The following PMF1 variants were observed in gnomAD, a reference collection of about 807,000 sequenced individuals.
PMF1 encodes polyamine modulated factor 1, also known as polyamine-modulated factor 1.
In PMF1, 21 loss-of-function variants were observed where a neutral mutation model predicts 26.7. That is an observed-to-expected ratio of 0.79 (90% CI 0.56 to 1.13). PMF1 has a LOEUF of 1.13. Among genes scored for constraint, PMF1 ranks in the 50% most tolerant of loss-of-function variants. The pLI, the probability that PMF1 is intolerant of heterozygous loss-of-function variation, is 0.00. For missense variants in PMF1, 266 were observed against 254.9 expected, an observed-to-expected ratio of 1.04 and a Z score of -0.30; for synonymous variants, 105 against 101.0, an observed-to-expected ratio of 1.04 and a Z score of -0.24.
chr1:156,237,465 T>A (rs937527562), intron 4 of PMF1, among the ~76,000 whole-genome samples: 1 of 149,912 alleles, frequency 6.7e-6, no homozygotes, highest in Admixed American at 6.6e-5. Flanking sequence ...TTTTTTTTTT[T>A]AGACAGAGTC....
chr1:156,233,032 A>G (rs1481028860), intron 2 of PMF1, among the ~76,000 whole-genome samples: 5 of 147,454 alleles, frequency 3.4e-5, no homozygotes. Flanking sequence ...CAATCCTCCT[A>G]CCTCAGATTC....
intron 2 of PMF1, 45 bp downstream of exon 2, chr1:156,232,470 T>C: frequency 6.3e-7 from 1 of 1,590,446 alleles, no homozygotes; most frequent in Non-Finnish European, 8.6e-7. Flanking sequence ...TTGGGTTCTG[T>C]CTCCAGATTG....
chr1:156,233,866 T>G, intron 3 of PMF1, 138 bp downstream of exon 3: 2 of 699,364 alleles, frequency 2.9e-6, no homozygotes. Flanking sequence ...TCCTCCCACC[T>G]TGACCTCCCA....
chr1:156,216,739 C>CCA (rs1657748243), intron 1 of PMF1, among the ~76,000 whole-genome samples: 5 of 151,826 alleles, frequency 3.3e-5, no homozygotes, highest in Non-Finnish European at 7.4e-5. Flanking sequence ...CCACTGGCTC[C>CCA]GTGCCGTGCG....
intron 4 of PMF1, chr1:156,236,829 A>G (rs922277304): frequency 4.8e-5 from 15 of 315,698 alleles, no homozygotes; most frequent in Non-Finnish European, 8.9e-5. Context: ...GCTCCATGTG[A>G]CCACTGCCCA....
At chr1:156,236,266 T>C in intron 3 of PMF1, 22 bp from the exon 4 acceptor site, 1 of 1,595,986 alleles carries the variant, frequency 6.3e-7, no homozygotes, top group Non-Finnish European at 8.6e-7. Context: ...CTTCATTCCT[T>C]GTGCCCCGTG....
chr1:156,227,436 G>A (rs992137334), intron 1 of PMF1, among the ~76,000 whole-genome samples: 7 of 151,278 alleles, frequency 4.6e-5, no homozygotes, highest in East Asian at 1.9e-4. Flanking sequence ...CCCAGGAGGC[G>A]GAGGTTGCAG....
At chr1:156,213,861 A>G (rs1321630730) in intron 1 of PMF1, among the ~76,000 whole-genome samples, 1 of 152,166 alleles carries the variant, frequency 6.6e-6, no homozygotes, top group East Asian at 1.9e-4. Context: ...CCAGGACTAA[A>G]TGTGTTACCA....
rs534235875 is a variant in PMF1 at position 156,237,593 on chromosome 1, T to C, written c.564+1110T>C. 4.6e-5 allele frequency among the ~76,000 whole-genome samples: 7 copies of C among 151,580 alleles called. No homozygotes were observed. The East Asian group carries it at 1.2e-3, about 25-fold the overall frequency. ...TCCTGAGTAGCTGGGATTCCAGGCA[T>C]GAGCTGCCACACCCAGCTAAATTTT... On this transcript the variant is annotated intron_variant, in intron 4 of 4. Transcript: ENST00000368277.
intron 4 of PMF1, 98 bp from the exon 5 acceptor site, chr1:156,239,450 C>A: frequency 1.1e-6 from 1 of 930,774 alleles, no homozygotes; most frequent in Non-Finnish European, 1.7e-6. Context: ...TCCATATTGT[C>A]CTGGGGGAAA....
chr1:156,235,748 G>T (rs910808105), intron 3 of PMF1, among the ~76,000 whole-genome samples: 2 of 152,194 alleles, frequency 1.3e-5, no homozygotes, highest in African/African-American at 4.8e-5. Flanking sequence ...GCCTGAAAAA[G>T]AATTTTTAAA....
chr1:156,236,840 A>G (rs529121511), intron 4 of PMF1: 3 of 285,862 alleles, frequency 1.0e-5, no homozygotes, highest in Non-Finnish European at 2.0e-5. Context: ...CCACTGCCCA[A>G]CATAGATATA....
chr1:156,214,540 C>G (rs886321831), intron 1 of PMF1, among the ~76,000 whole-genome samples: 19 of 152,100 alleles, frequency 1.2e-4, no homozygotes, highest in Non-Finnish European at 2.2e-4. Context: ...GCATTCAATG[C>G]GTAGAGACGC....
intron 1 of PMF1, among the ~76,000 whole-genome samples, chr1:156,228,459 C>G (rs1252830469): frequency 1.3e-5 from 2 of 151,754 alleles, no homozygotes; most frequent in Non-Finnish European, 2.9e-5. Context: ...GCCACATTGT[C>G]CTGTTAGCAT....
intron 1 of PMF1, among the ~76,000 whole-genome samples, chr1:156,229,318 A>C (rs1658564831): frequency 6.6e-6 from 1 of 152,006 alleles, no homozygotes. Flanking sequence ...GTGTACTGGT[A>C]GTTGCTTACA....
At chr1:156,215,209 G>A (rs907601836) in intron 1 of PMF1, among the ~76,000 whole-genome samples, 6 of 152,046 alleles carry the variant, frequency 3.9e-5, no homozygotes, top group Admixed American at 3.3e-4. Flanking sequence ...CAGAACGAAT[G>A]TATAGGAAAA....
rs187146628 is a variant in PMF1 at position 156,235,504 on chromosome 1, C to G, written c.369-784C>G. ...TCTCTCAGGCTGGAGTGCAGTGGCG[C>G]GATCTTGGCTCACTGCAAGCTCCGC... is the stretch of plus-strand genomic sequence containing the variant. On this transcript the variant is annotated intron_variant, in intron 3 of 4. Coordinates refer to ENST00000368277, the MANE Select transcript of PMF1 (RefSeq NM_007221.4). Among the ~76,000 whole-genome samples the G allele has an allele frequency of 9.4e-3, 1,281 of 136,868 alleles. 20 individuals carry two copies. The highest frequency in any genetic ancestry group is 0.034 in the African/African-American group (1,221 of 35,748). The allele number at this position is 136,868 out of a possible 152,430, so 89.8% of individuals were successfully genotyped here.
chr1:156,225,449 C>G (rs920590755), intron 1 of PMF1: 1 of 654,610 alleles, frequency 1.5e-6, no homozygotes, highest in Non-Finnish European at 2.8e-6. Flanking sequence ...CCCTCACCCC[C>G]CTCCCACCCT....
rs532329234 is a variant in PMF1 at position 156,232,418 on chromosome 1, C to A, written c.260C>A (p.Ser87Tyr). ...AAGTTTATAGCTCAGTTGCAGACAT[C>A]TATCCGGGTGAGTGGCGGGAAGCCT... is the stretch of plus-strand genomic sequence containing the variant. Reference protein sequence around the residue: ...YDKFIAQLQTSIREEISDIKE... With the variant: ...YDKFIAQLQTYIREEISDIKE... Residue 87 changes from serine (S) to tyrosine (Y), a missense_variant, in exon 2 of 5, where the codon TCT (serine) becomes TAT (tyrosine). Coordinates refer to ENST00000368277, the MANE Select transcript of PMF1 (RefSeq NM_007221.4). 1 of 1,613,920 alleles carries A rather than the reference C, an allele frequency of 6.2e-7. No individual in the cohort carries two copies. Among genetic ancestry groups the A allele is most frequent in the South Asian group, 1.1e-5 (1 of 91,074 alleles).
Sources: gnomAD v4.1 joint callset for allele counts (sites outside exome capture counted in the v4.1 genomes callset) on GRCh38, gnomAD v4.1.1 for gene constraint, MANE v1.5 for transcripts, NCBI Gene and HGNC (gene_info 2026-07-23, HGNC 2026-07-21) for gene names.